The following LPP variants were observed in gnomAD, a reference collection of about 807,000 sequenced individuals.
LPP encodes lipoma-preferred partner.
LPP carries 38 observed loss-of-function variants against 60.4 expected under a neutral mutation model. That is an observed-to-expected ratio of 0.63 (90% CI 0.49 to 0.83). The LOEUF (loss-of-function observed/expected upper bound fraction) is 0.83. Among genes scored for constraint, LPP ranks in the 40% least tolerant of loss-of-function variants. The pLI is 0.00. For missense variants in LPP, 902 were observed against 783.6 expected (o/e 1.15, Z -1.80); for synonymous variants, 328 against 290.8 (o/e 1.13, Z -1.30).
chr3:188,725,399 T>G (rs1005671869), intron 8 of LPP: 1 of 152,236 alleles, frequency 6.6e-6, no homozygotes, highest in African/African-American at 2.4e-5. Flanking sequence ...AAGGTGGACT[T>G]AATTTGGAGA....
intron 7 of LPP, among the ~76,000 whole-genome samples, chr3:188,684,311 C>G (rs1378357467): frequency 1.3e-5 from 2 of 152,234 alleles, no homozygotes; most frequent in Non-Finnish European, 2.9e-5. Context: ...TCTCCAGGTT[C>G]TCAGTTGCTA....
chr3:188,662,165 G>A (rs1854727280), intron 7 of LPP, among the ~76,000 whole-genome samples: 1 of 152,230 alleles, frequency 6.6e-6, no homozygotes, highest in Non-Finnish European at 1.5e-5. Context: ...TAAACTGGAA[G>A]CTCCCTAAGG....
chr3:188,445,759 C>A (rs1795085879), intron 4 of LPP, among the ~76,000 whole-genome samples: 1 of 152,072 alleles, frequency 6.6e-6, no homozygotes, highest in South Asian at 2.1e-4. Flanking sequence ...AAAGTATTTG[C>A]TCTCCTGATA....
chr3:188,298,484 C>T (rs1261535539), intron 2 of LPP, among the ~76,000 whole-genome samples: 1 of 152,138 alleles, frequency 6.6e-6, no homozygotes, highest in Admixed American at 6.5e-5. Flanking sequence ...GGATAAGACT[C>T]ACTTAGGGAG....
At chr3:188,652,284 A>G (rs534658928) in intron 7 of LPP, among the ~76,000 whole-genome samples, 3 of 152,302 alleles carry the variant, frequency 2.0e-5, no homozygotes, top group South Asian at 2.1e-4. Flanking sequence ...GAACATGCAT[A>G]TGGCTCTTCT....
At chr3:188,696,222 ACTCTCT>A (rs147482649) in intron 7 of LPP, among the ~76,000 whole-genome samples, 2 of 148,826 alleles carry the variant, frequency 1.3e-5, no homozygotes, top group African/African-American at 4.9e-5. Context: ...AGCACACAGT[ACTCTCT>A]CTCTCTCTCT....
At chr3:188,448,490 ATATC>A (rs1478068905) in intron 4 of LPP, among the ~76,000 whole-genome samples, 3 of 152,090 alleles carry the variant, frequency 2.0e-5, no homozygotes, top group Non-Finnish European at 4.4e-5. Context: ...CTTTATCTAA[ATATC>A]TATCTAAATA....
chr3:188,804,283 A>ATATATATATATATATATATATAT (rs1553853277), intron 9 of LPP, among the ~76,000 whole-genome samples: 13 of 126,702 alleles, frequency 1.0e-4, no homozygotes, highest in South Asian at 2.5e-4. Flanking sequence ...ATATATATAT[A>ATATATATATATATATATATATAT]AAATGGAATA....
chr3:188,866,193 T>A lies in LPP; in HGVS notation c.1411-7T>A. ...CAGTCTGACGTGGTTTCTGTTTCCT[T>A]CCCCAGAATACTCTGGAGCAGTGCA... On this transcript the variant is annotated splice_region_variant and splice_polypyrimidine_tract_variant and intron_variant, in intron 9 of 11. Coordinates refer to ENST00000617246, the MANE Select transcript of LPP (RefSeq NM_001375462.1). 6.9e-7 allele frequency: 1 copy of A among 1,454,054 alleles called. No homozygotes were observed. The allele number at this position is 1,454,054 out of a possible 1,614,324, so 90.1% of individuals were successfully genotyped here. A position where few individuals can be genotyped will look rare whatever the true frequency, so the allele number is the denominator to read the frequency against.
chr3:188,485,163 C>T (rs1805972044), intron 5 of LPP, among the ~76,000 whole-genome samples: 1 of 152,154 alleles, frequency 6.6e-6, no homozygotes, highest in African/African-American at 2.4e-5. Flanking sequence ...GCAAAAGCAA[C>T]ATCAAATATC....
chr3:188,454,944 T>A (rs1797403337), intron 4 of LPP, among the ~76,000 whole-genome samples: 1 of 152,094 alleles, frequency 6.6e-6, no homozygotes, highest in Non-Finnish European at 1.5e-5. Flanking sequence ...TTATCTAAAG[T>A]TTTAGAAGGT....
At chr3:188,540,876 A>G (rs1029869684) in intron 6 of LPP, among the ~76,000 whole-genome samples, 4 of 152,150 alleles carry the variant, frequency 2.6e-5, no homozygotes, top group African/African-American at 9.7e-5. Context: ...TGGGCATCTT[A>G]CTTATGATAT....
chr3:188,466,897 T>G (rs1345666015), intron 4 of LPP, among the ~76,000 whole-genome samples: 1 of 144,256 alleles, frequency 6.9e-6, no homozygotes, highest in African/African-American at 2.5e-5. Context: ...CTCAATGTGA[T>G]GGATTTTGTC....
intron 9 of LPP, among the ~76,000 whole-genome samples, chr3:188,860,262 A>G (rs1445079232): frequency 6.6e-6 from 1 of 152,136 alleles, no homozygotes; most frequent in Non-Finnish European, 1.5e-5. Flanking sequence ...TTATTCCATA[A>G]TTAAGTTAGG....
At chr3:188,754,510 A>G (rs970500965) in intron 8 of LPP, among the ~76,000 whole-genome samples, 2 of 152,296 alleles carry the variant, frequency 1.3e-5, no homozygotes, top group South Asian at 2.1e-4. Context: ...TCTTCTGACA[A>G]GCAGGACAGA....
intron 9 of LPP, among the ~76,000 whole-genome samples, chr3:188,780,758 T>A (rs1560195025): frequency 6.6e-6 from 1 of 152,232 alleles, no homozygotes; most frequent in Non-Finnish European, 1.5e-5. Context: ...ACATTGTTTC[T>A]GGATCCATGT....
intron 7 of LPP, among the ~76,000 whole-genome samples, chr3:188,658,368 A>G (rs1212448717): frequency 1.3e-5 from 2 of 152,034 alleles, no homozygotes; most frequent in East Asian, 3.9e-4. Flanking sequence ...CTGGTCTCAA[A>G]CTCCTGACCT....
intron 4 of LPP, among the ~76,000 whole-genome samples, chr3:188,449,136 AC>A (rs1350984381): frequency 2.6e-5 from 4 of 152,138 alleles, no homozygotes; most frequent in Non-Finnish European, 4.4e-5. Flanking sequence ...CTTTTACTTT[AC>A]TGCACGTCTG....
chr3:188,540,253 G>A (rs1824791938), intron 6 of LPP, among the ~76,000 whole-genome samples: 1 of 151,666 alleles, frequency 6.6e-6, no homozygotes, highest in African/African-American at 2.4e-5. Context: ...TCTTTGAGTT[G>A]GTATTATTTT....
Sources: gnomAD v4.1 joint callset for allele counts (sites outside exome capture counted in the v4.1 genomes callset) on GRCh38, gnomAD v4.1.1 for gene constraint, MANE v1.5 for transcripts, NCBI Gene and HGNC (gene_info 2026-07-23, HGNC 2026-07-21) for gene names.